MYO1H: variants seen among roughly 807,000 people sequenced by gnomAD.
The protein encoded by MYO1H is unconventional myosin-Ih.
Under a neutral mutation model 149.3 loss-of-function variants are expected in MYO1H, and 118 were observed. The ratio of observed to expected loss-of-function variants is 0.79; its 90% CI spans 0.68 to 0.92. The LOEUF (loss-of-function observed/expected upper bound fraction) is 0.92, where lower values mean the gene tolerates loss of function less well. Ranked by LOEUF, MYO1H falls within the 40% of genes least tolerant of loss-of-function variation. The pLI is 0.00. For missense variants in MYO1H, 1,212 were observed against 1,280.7 expected (o/e 0.95, Z 0.82); for synonymous variants, 447 against 465.2 (o/e 0.96, Z 0.50).
intron 1 of MYO1H, among the ~76,000 whole-genome samples, chr12:109,364,006 C>T (rs1420304811): frequency 1.3e-5 from 2 of 151,570 alleles, no homozygotes; most frequent in African/African-American, 4.9e-5. Context: ...TTAAGACCAG[C>T]TTTACCAACA....
chr12:109,347,280 C>T (rs2087061093), upstream of MYO1H, among the ~76,000 whole-genome samples: 1 of 152,148 alleles, frequency 6.6e-6, no homozygotes, highest in Non-Finnish European at 1.5e-5. Flanking sequence ...GAGGCCCAGA[C>T]CAGGAAGGGG....
intron 2 of MYO1H, among the ~76,000 whole-genome samples, chr12:109,390,326 C>G (rs1293644722): frequency 2.0e-5 from 3 of 151,718 alleles, no homozygotes; most frequent in East Asian, 3.9e-4. Flanking sequence ...CAGGCACACA[C>G]CACCACACCC....
the MYO1H span, among the ~76,000 whole-genome samples, chr12:109,313,200 T>C: frequency 6.6e-5 from 10 of 152,058 alleles, no homozygotes; most frequent in Non-Finnish European, 1.5e-4. Context: ...TGAGTTAAGA[T>C]TGCACTACTG....
chr12:109,398,234 A>C (rs1462496579), intron 5 of MYO1H, among the ~76,000 whole-genome samples: 2 of 109,506 alleles, frequency 1.8e-5, no homozygotes, highest in Non-Finnish European at 3.7e-5. Flanking sequence ...CCATAAGAGC[A>C]CTGCTCATCA....
At chr12:109,434,374 A>T (rs879644054) in intron 20 of MYO1H, among the ~76,000 whole-genome samples, 1 of 151,466 alleles carries the variant, frequency 6.6e-6, no homozygotes, top group Non-Finnish European at 1.5e-5. Flanking sequence ...GGTGCCTGTA[A>T]TCCCAGCTAC....
rs1056738662 is a variant in MYO1H at position 109,442,347 on chromosome 12, A to T, written c.2688+75A>T. 32 of 1,323,016 alleles carry T rather than the reference A, an allele frequency of 2.4e-5. No individual in the cohort carries two copies. In the Admixed American group the frequency reaches 5.1e-4, roughly 21 times the overall value. The allele number at this position is 1,323,016 out of a possible 1,614,324, so 82.0% of individuals were successfully genotyped here. On this transcript the variant is annotated intron_variant, in intron 27 of 31. Transcript: ENST00000310903. ...TAAGAGCAGGGTCCCCTTTCTCCAT[A>T]AAGGGCGCACTATTTAAATGCAGGG...
At chr12:109,382,342 G>A (rs1450369500) in intron 1 of MYO1H, among the ~76,000 whole-genome samples, 1 of 152,120 alleles carries the variant, frequency 6.6e-6, no homozygotes, top group East Asian at 1.9e-4. Flanking sequence ...CCTAGAATGT[G>A]AGAAATTCTA....
intron 1 of MYO1H, among the ~76,000 whole-genome samples, chr12:109,372,186 GGTT>G (rs1438106899): frequency 6.6e-6 from 1 of 151,956 alleles, no homozygotes; most frequent in Non-Finnish European, 1.5e-5. Flanking sequence ...TGTGGATTCT[GGTT>G]GTTTTTAGTC....
chr12:109,351,086 G>A (rs73190675), intron 1 of MYO1H, among the ~76,000 whole-genome samples: 5,001 of 152,248 alleles, frequency 0.033, 117 homozygotes, highest in Middle Eastern at 0.065. Context: ...CCATTAGTAG[G>A]CAGGTTCACT....
intron 3 of MYO1H, among the ~76,000 whole-genome samples, chr12:109,395,196 A>G (rs1397338160): frequency 1.3e-5 from 2 of 152,186 alleles, no homozygotes; most frequent in Non-Finnish European, 1.5e-5. Flanking sequence ...CTCTTGTCCT[A>G]AAGATATCAC....
chr12:109,398,164 CAT>C (rs1358429895), intron 5 of MYO1H, among the ~76,000 whole-genome samples: 14 of 152,166 alleles, frequency 9.2e-5, no homozygotes, highest in African/African-American at 3.1e-4. Flanking sequence ...GCTGAAAAAA[CAT>C]AATGTAAGGT....
intron 5 of MYO1H, among the ~76,000 whole-genome samples, chr12:109,399,953 C>T (rs906767338): frequency 1.3e-5 from 2 of 152,120 alleles, no homozygotes; most frequent in Admixed American, 6.6e-5. Flanking sequence ...CCTGCCCTTC[C>T]CCAACACACT....
chr12:109,318,990 T>G, the MYO1H span, among the ~76,000 whole-genome samples: 8 of 86,398 alleles, frequency 9.3e-5, no homozygotes, highest in East Asian at 2.9e-4. Context: ...TTTTTTTTTT[T>G]TTTTGCAACT....
At chr12:109,445,465 A>T (rs1376589101) in intron 30 of MYO1H, 48 bp from the exon 31 acceptor site, 4 of 1,394,832 alleles carry the variant, frequency 2.9e-6, no homozygotes, top group Admixed American at 1.9e-5. Flanking sequence ...AAAGGTTGAG[A>T]GAAGAAAATA....
In MYO1H at chr12:109,358,661, CAG is replaced by C. The variant is rs1290785305; in HGVS notation, c.12+10690_12+10691del. ...CTATTCTGACTCACTGGTTTCCTCTCAGTGCATTCTGCAAGCATCACGAGATA... is the reference window on the plus strand; with the variant it reads ...CTATTCTGACTCACTGGTTTCCTCTCTGCATTCTGCAAGCATCACGAGATA... On this transcript the variant is annotated intron_variant, in intron 1 of 31. Transcript: ENST00000310903. Among the ~76,000 whole-genome samples the C allele has an allele frequency of 6.6e-5, 10 of 152,250 alleles. No individual in the cohort carries two copies. The East Asian group carries it at 1.9e-3, about 29-fold the overall frequency.
Position 109,411,990 on chromosome 12 carries a change from A to T in MYO1H, c.1502+5A>T. The T allele has an allele frequency of 6.4e-7, 1 of 1,572,772 alleles. No homozygotes were observed. The highest frequency in any genetic ancestry group is 1.2e-5 in the South Asian group (1 of 84,060). On this transcript the variant is annotated splice_donor_5th_base_variant and intron_variant, in intron 14 of 31. Transcript: ENST00000310903. ...CAAACATGCACACTTCGAAACGTACATACTTTATTTTACCAGATTTTGCAT... is the reference window on the plus strand; with the variant it reads ...CAAACATGCACACTTCGAAACGTACTTACTTTATTTTACCAGATTTTGCAT...
rs974418889 is a variant in MYO1H at position 109,388,574 on chromosome 12, C to T, written c.13-109C>T. The T allele has an allele frequency of 1.7e-5, 17 of 988,340 alleles. No individual in the cohort carries two copies. In the East Asian group the frequency reaches 3.6e-4, roughly 21 times the overall value. 61.2% of individuals were successfully genotyped at this position (988,340 alleles called of 1,614,324 possible). On this transcript the variant is annotated intron_variant, in intron 1 of 31. Coordinates refer to ENST00000310903, the Ensembl canonical transcript of MYO1H. ...TAAGTGAAGACGGCATAATTTAATGCTGGCTCTCTACTATCCCAGGGTTTA... is the reference window on the plus strand; with the variant it reads ...TAAGTGAAGACGGCATAATTTAATGTTGGCTCTCTACTATCCCAGGGTTTA...
exon 7 of MYO1H, chr12:109,404,078 G>A (rs757064982): frequency 2.5e-6 from 4 of 1,611,416 alleles, no homozygotes; most frequent in African/African-American, 1.3e-5. Context: ...AGCTGACCTC[G>A]AGGTACGTGC....
chr12:109,442,795 C>CTGCCTTTTTTTTTTTTT (rs1165995755), intron 27 of MYO1H, among the ~76,000 whole-genome samples: 1 of 94,016 alleles, frequency 1.1e-5, no homozygotes, highest in East Asian at 3.2e-4. Flanking sequence ...AGTGTCTGCT[C>CTGCCTTTTTTTTTTTTT]TTTTTTTTTT....
Sources: allele counts gnomAD v4.1 joint callset (sites outside exome capture counted in the v4.1 genomes callset), GRCh38; gene constraint gnomAD v4.1.1; transcripts MANE v1.5; gene names NCBI Gene and HGNC (gene_info 2026-07-23, HGNC 2026-07-21).